STK39: variants seen among roughly 807,000 people sequenced by gnomAD.
STK39 encodes the protein serine/threonine kinase 39.
STK39 carries 20 observed loss-of-function variants against 77.8 expected under a neutral mutation model. That is an observed-to-expected ratio of 0.26 (90% confidence interval 0.18 to 0.37). The LOEUF (loss-of-function observed/expected upper bound fraction) is 0.37. Ranked by LOEUF, STK39 falls within the 10% of genes least tolerant of loss-of-function variation. The probability of loss-of-function intolerance (pLI) is 1.00; values close to 1 mark genes in which losing one functional copy is unlikely to be tolerated. For synonymous variants in STK39, 246 were observed against 234.1 expected (o/e 1.05, Z -0.47); for missense variants, 479 against 656.5 (o/e 0.73, Z 2.95).
At chr2:168,018,577 A>AG (rs1491459237) in intron 14 of STK39, among the ~76,000 whole-genome samples, 1 of 145,612 alleles carries the variant, frequency 6.9e-6, no homozygotes, top group African/African-American at 2.8e-5. Flanking sequence ...AAAGAAAGAA[A>AG]GAAAGAAAGA....
chr2:168,198,008 A>G (rs1276071059), intron 1 of STK39, among the ~76,000 whole-genome samples: 1 of 151,156 alleles, frequency 6.6e-6, no homozygotes, highest in Admixed American at 6.6e-5. Context: ...ATTGCACTCC[A>G]GCCTGGGCAA....
At chr2:168,066,910 C>T (rs573273673) in intron 12 of STK39, among the ~76,000 whole-genome samples, 12 of 152,290 alleles carry the variant, frequency 7.9e-5, no homozygotes, top group African/African-American at 2.4e-4. Context: ...TTGTTCCCAC[C>T]CAAATCTCAT....
chr2:167,956,684 ACACACACACACACTCTCTCT>A (rs1312133097), intron 17 of STK39, among the ~76,000 whole-genome samples: 1 of 43,854 alleles, frequency 2.3e-5, no homozygotes, highest in African/African-American at 1.2e-4. Context: ...ACACACACAC[ACACACACACACACTCTCTCT>A]CTCTCTCTCT....
At chr2:168,143,536 C>A (rs1688049871) in intron 5 of STK39, among the ~76,000 whole-genome samples, 1 of 152,148 alleles carries the variant, frequency 6.6e-6, no homozygotes, top group Non-Finnish European at 1.5e-5. Context: ...CATGGTGAAA[C>A]CCCATCTCTA....
rs1444870693 is a variant in STK39, at chr2:168,136,379, AAAAAG to A, written c.974+1704_974+1708del. Among the ~76,000 whole-genome samples the A allele has an allele frequency of 1.7e-3, 168 of 96,444 alleles. 4 individuals carry two copies. The highest frequency in any genetic ancestry group is 4.7e-3 in the African/African-American group (86 of 18,184). The allele number at this position is 96,444 out of a possible 152,430, so 63.3% of individuals were successfully genotyped here. ...CAAGACTCCGTCTCAAAAAAAAAAA[AAAAAG>A]AAAAGAAATAAAAAGGGTTTGTTAA... On this transcript the variant is annotated intron_variant, in intron 8 of 17. Transcript: ENST00000355999.
intron 16 of STK39, among the ~76,000 whole-genome samples, chr2:167,997,702 A>T (rs1441332338): frequency 6.6e-6 from 1 of 152,230 alleles, no homozygotes. Context: ...TATTTTTAAA[A>T]GCTAATAACA....
chr2:168,002,876 T>A (rs1415608395), intron 16 of STK39, among the ~76,000 whole-genome samples: 2 of 152,252 alleles, frequency 1.3e-5, no homozygotes, highest in Non-Finnish European at 2.9e-5. Context: ...CACATTCATT[T>A]GGGCCTGGTT....
At chr2:168,169,621 T>C (rs1016012031) in intron 2 of STK39, among the ~76,000 whole-genome samples, 2 of 147,732 alleles carry the variant, frequency 1.4e-5, no homozygotes, top group Non-Finnish European at 3.0e-5. Context: ...TTCTCTGACT[T>C]TGCAGTGAGC....
rs1559109674 is a variant in STK39 at position 168,126,169 on chromosome 2, G to GAA, written c.1089+3371_1089+3372insTT. Among the ~76,000 whole-genome samples the GAA allele has an allele frequency of 1.1e-4, 16 of 152,222 alleles. 1 individual carries two copies. The Middle Eastern group carries it at 0.014, about 129-fold the overall frequency. On this transcript the variant is annotated intron_variant, in intron 10 of 17. Transcript: ENST00000355999. ...TCATTTAAACACTCATGTGTCAATG[G>GAA]ACTGTCTGTTTCTCTTTGAAAAACA... is the stretch of plus-strand genomic sequence containing the variant.
chr2:168,241,010 G>A (rs957927923), intron 1 of STK39, among the ~76,000 whole-genome samples: 1 of 152,250 alleles, frequency 6.6e-6, no homozygotes, highest in Non-Finnish European at 1.5e-5. Flanking sequence ...CTTAGGGAAA[G>A]GGCAGAAGCC....
At chr2:168,165,728 T>C (rs57441772) in intron 3 of STK39, among the ~76,000 whole-genome samples, 1,640 of 151,698 alleles carry the variant, frequency 0.011, 28 homozygotes, top group African/African-American at 0.038. Context: ...CCAAGCCAAT[T>C]ACAATGCCTT....
rs568398067 is a variant in STK39, at chr2:168,215,529, C to T, written c.208+31699G>A. ...TCCAGCTACCATGCTAAAAACTCTA[C>T]TTTTGCTGGATCTGTTTCCCAAATC... On this transcript the variant is annotated intron_variant, in intron 1 of 17. Transcript: ENST00000355999. Among the ~76,000 whole-genome samples the T allele has an allele frequency of 5.3e-5, 8 of 152,320 alleles. No homozygotes were observed. In the South Asian group the frequency reaches 1.5e-3, roughly 28 times the overall value.
In STK39 at chr2:167,997,243, C is replaced by T. The variant is rs184894276; in HGVS notation, c.1498+15391G>A. Reference sequence around the variant, plus strand: ...ACAGTGGTTCAGTCATTCTTCCCTACGTGCAATTTCTACCTCCATTCTCTG... The same window carrying T: ...ACAGTGGTTCAGTCATTCTTCCCTATGTGCAATTTCTACCTCCATTCTCTG... On this transcript the variant is annotated intron_variant, in intron 16 of 17. Coordinates refer to ENST00000355999, the MANE Select transcript of STK39 (RefSeq NM_013233.3). 8.3e-4 allele frequency among the ~76,000 whole-genome samples: 126 copies of T among 151,902 alleles called. 1 individual carries two copies. The highest frequency in any genetic ancestry group is 2.9e-3 in the African/African-American group (119 of 41,410).
At chr2:168,014,817 A>T (rs1197858216) in intron 15 of STK39, among the ~76,000 whole-genome samples, 3 of 152,240 alleles carry the variant, frequency 2.0e-5, no homozygotes, top group African/African-American at 7.2e-5. Flanking sequence ...ACACTTAAGT[A>T]AGGAGCTATA....
intron 10 of STK39, among the ~76,000 whole-genome samples, chr2:168,107,346 C>T (rs1190144224): frequency 6.6e-6 from 1 of 152,154 alleles, no homozygotes; most frequent in East Asian, 1.9e-4. Flanking sequence ...CAGGGAAATA[C>T]TTTGAAAGGT....
In STK39 at chr2:168,247,377, A is replaced by C. The variant is rs1690960122; in HGVS notation, c.59T>G (p.Val20Gly). 8 of 1,008,612 alleles carry C rather than the reference A, an allele frequency of 7.9e-6. No homozygotes were observed. Among genetic ancestry groups the C allele is most frequent in the East Asian group, 4.8e-5 (1 of 20,736 alleles). The allele number at this position is 1,008,612 out of a possible 1,614,324, so 62.5% of individuals were successfully genotyped here. The stretch of plus-strand genomic sequence containing the variant: ...CGGGGCCGCCGCCGCCGCCGCTGTC[A>C]CCGGGGCCGCCTGCTGGGGAAGCTG... ...HVQLPQQAAP[V>G]TAAAAAAPAA... The change falls in exon 1 of 18, where the codon GTG becomes GGG. Residue 20 changes from valine to glycine, a missense_variant. By Grantham distance (109) the Val-to-Gly change is moderately radical (BLOSUM62 -3). This residue lies in a region of STK39 where 96 missense variants were observed against 79.1 expected (regional missense o/e 1.21). Coordinates refer to ENST00000355999, the MANE Select transcript of STK39 (RefSeq NM_013233.3).
intron 10 of STK39, among the ~76,000 whole-genome samples, chr2:168,108,140 CTGTAATTG>C (rs2105464388): frequency 6.6e-6 from 1 of 152,316 alleles, no homozygotes; most frequent in South Asian, 2.1e-4. Context: ...AGCATAACTG[CTGTAATTG>C]TGATTACCTC....
intron 1 of STK39, among the ~76,000 whole-genome samples, chr2:168,210,032 AG>A (rs2105694796): frequency 3.3e-5 from 2 of 60,000 alleles, no homozygotes; most frequent in Admixed American, 1.8e-4. Context: ...AAGGAAAGAA[AG>A]GAAGGAAGGA....
intron 1 of STK39, among the ~76,000 whole-genome samples, chr2:168,210,559 G>A (rs549231883): frequency 1.1e-4 from 17 of 152,234 alleles, no homozygotes; most frequent in South Asian, 2.1e-4. Flanking sequence ...TTGCTCTGTC[G>A]TCCAGGCAGG....
Sources: gnomAD v4.1 joint callset for allele counts (sites outside exome capture counted in the v4.1 genomes callset) on GRCh38, gnomAD v4.1.1 for gene constraint, gnomAD v4.1.1 regional missense constraint, MANE v1.5 for transcripts, NCBI Gene and HGNC (gene_info 2026-07-23, HGNC 2026-07-21) for gene names.